The following PCDHGC3 variants were observed in gnomAD, a reference collection of about 807,000 sequenced individuals.
The protein encoded by PCDHGC3 is protocadherin gamma-C3.
A neutral mutation model predicts 59.2 loss-of-function variants in PCDHGC3; 26 were observed. The observed-to-expected ratio is 0.44, with a 90% CI of 0.32 to 0.61. The LOEUF (loss-of-function observed/expected upper bound fraction) is 0.61, where lower values mean the gene tolerates loss of function less well. Ranked by LOEUF, PCDHGC3 falls within the 20% of genes least tolerant of loss-of-function variation. The probability of loss-of-function intolerance (pLI) is 0.05; values close to 1 mark genes in which losing one functional copy is unlikely to be tolerated. For missense variants in PCDHGC3, 1,080 were observed against 1,221.8 expected (o/e 0.88, Z 1.73); for synonymous variants, 487 against 519.7 (o/e 0.94, Z 0.86).
intron 1 of PCDHGC3, among the ~76,000 whole-genome samples, chr5:141,488,118 A>G (rs1054356891): frequency 2.7e-4 from 41 of 152,190 alleles, no homozygotes; most frequent in Non-Finnish European, 2.9e-5. Context: ...AAACATAGAG[A>G]CAGCAGAAAG....
rs1562137828 is a variant in PCDHGC3 at position 141,490,359 on chromosome 5, T to C, written c.2431-4448T>C. On this transcript the variant is annotated intron_variant, in intron 1 of 3. Transcript: ENST00000308177. This position sits in a 1 kb window ranked among gnomAD's most constrained non-coding sequence, Gnocchi z 5.4. ...TGGGCACAGTAGTGGGGTTGTTTAA[T>C]GTGCGAGACCGGGACTCAGGTAGAA... The C allele has an allele frequency of 1.9e-6, 3 of 1,614,212 alleles. No individual in the cohort carries two copies. The highest frequency in any genetic ancestry group is 2.5e-6 in the Non-Finnish European group (3 of 1,180,036).
Position 141,485,598 on chromosome 5 carries a change from T to C in PCDHGC3, c.2430+7052T>C, listed in dbSNP as rs931717579. 25 of 1,612,028 alleles carry C rather than the reference T, an allele frequency of 1.6e-5. No individual in the cohort carries two copies. Among genetic ancestry groups the C allele is most frequent in the African/African-American group, 2.7e-5 (2 of 74,838 alleles). ...CCGCGGCAGCAGCTGGACTTGGAAA[T>C]TGGGGAGGCAGCTCCTCCAGGACAG... On this transcript the variant is annotated intron_variant, in intron 1 of 3. Transcript: ENST00000308177. This position sits in a 1 kb window ranked among gnomAD's most constrained non-coding sequence, Gnocchi z 5.7.
chr5:141,502,062 A>G (rs530211521), intron 2 of PCDHGC3, among the ~76,000 whole-genome samples: 2 of 152,146 alleles, frequency 1.3e-5, no homozygotes, highest in South Asian at 4.2e-4. Flanking sequence ...TATTCCCATT[A>G]GCCCCCTTCA....
Position 141,489,161 on chromosome 5 carries a change from A to T in PCDHGC3, c.2431-5646A>T. ...GCTGGAAGGAGACATAAGAGACTTC[A>T]GCTGCTGCATTCCAAGCCCTGGGTC... On this transcript the variant is annotated intron_variant, in intron 1 of 3. Coordinates refer to ENST00000308177, the MANE Select transcript of PCDHGC3 (RefSeq NM_002588.4). The surrounding 1 kb of genome is among the most constrained non-coding windows in gnomAD (Gnocchi z 4.5). 1.9e-6 allele frequency: 2 copies of T among 1,040,278 alleles called. No individual in the cohort carries two copies. The highest frequency in any genetic ancestry group is 2.8e-6 in the Non-Finnish European group (2 of 709,676). 64.4% of individuals were successfully genotyped at this position (1,040,278 alleles called of 1,614,324 possible).
In PCDHGC3 at chr5:141,491,893, G is replaced by C. The variant is rs2099734820; in HGVS notation, c.2431-2914G>C. The C allele has an allele frequency of 6.9e-7, 1 of 1,438,856 alleles. No individual in the cohort carries two copies. The highest frequency in any genetic ancestry group is 9.2e-7 in the Non-Finnish European group (1 of 1,088,104). 89.1% of individuals were successfully genotyped at this position (1,438,856 alleles called of 1,614,324 possible). A position where few individuals can be genotyped will look rare whatever the true frequency, so the allele number is the denominator to read the frequency against. ...GGCCGATTAAGGGATGGGGCTCCGA[G>C]CACCGGGGGTGGTGGCGACTGTGGG... On this transcript the variant is annotated intron_variant, in intron 1 of 3. Coordinates refer to ENST00000308177, the MANE Select transcript of PCDHGC3 (RefSeq NM_002588.4). The surrounding 1 kb of genome is among the most constrained non-coding windows in gnomAD (Gnocchi z 6.9).
At chr5:141,497,142 C>T (rs1316569011) in intron 2 of PCDHGC3, among the ~76,000 whole-genome samples, 2 of 149,678 alleles carry the variant, frequency 1.3e-5, no homozygotes, top group South Asian at 2.1e-4. Context: ...GCTGAGATCA[C>T]GAAAAAAAAA....
At chr5:141,500,887 T>C (rs557735403) in intron 2 of PCDHGC3, among the ~76,000 whole-genome samples, 1 of 95,622 alleles carries the variant, frequency 1.0e-5, no homozygotes, top group South Asian at 2.8e-4. Context: ...ATTTTTTTTT[T>C]TTGAGACAGT....
In PCDHGC3 at chr5:141,489,576, C is replaced by T; in HGVS notation, c.2431-5231C>T. 1.9e-6 allele frequency: 3 copies of T among 1,614,054 alleles called. No individual in the cohort carries two copies. Among genetic ancestry groups the T allele is most frequent in the Non-Finnish European group, 2.5e-6 (3 of 1,179,976 alleles). Reference sequence around the variant, plus strand: ...TGCCAGTGCAGGTGGTGACTGAACACCCCCTGGAGCTAATCCGTGTAGAGG... The same window carrying T: ...TGCCAGTGCAGGTGGTGACTGAACATCCCCTGGAGCTAATCCGTGTAGAGG... On this transcript the variant is annotated intron_variant, in intron 1 of 3. Coordinates refer to ENST00000308177, the MANE Select transcript of PCDHGC3 (RefSeq NM_002588.4). This position sits in a 1 kb window ranked among gnomAD's most constrained non-coding sequence, Gnocchi z 4.5.
At chr5:141,504,182 C>A (rs2099836345) in intron 2 of PCDHGC3, among the ~76,000 whole-genome samples, 1 of 152,234 alleles carries the variant, frequency 6.6e-6, no homozygotes, top group Non-Finnish European at 1.5e-5. Context: ...TCAAAAAAAT[C>A]ATGAAAATTG....
chr5:141,502,037 C>T (rs2154593041), intron 2 of PCDHGC3, among the ~76,000 whole-genome samples: 1 of 152,302 alleles, frequency 6.6e-6, no homozygotes, highest in East Asian at 1.9e-4. Context: ...CGCCGCTTGC[C>T]TGCTCTCCCT....
chr5:141,478,774 G>T (rs1019315910), intron 1 of PCDHGC3: 1 of 1,496,268 alleles, frequency 6.7e-7, no homozygotes, highest in African/African-American at 1.4e-5. Flanking sequence ...ACTCATCTGT[G>T]GACCTAATTC....
At chr5:141,502,368 G>A (rs2099813930) in intron 2 of PCDHGC3, among the ~76,000 whole-genome samples, 1 of 151,996 alleles carries the variant, frequency 6.6e-6, no homozygotes, top group East Asian at 1.9e-4. Context: ...TATTTTTAAA[G>A]AGTCCAGGCC....
rs1419365808 is a variant in PCDHGC3 at position 141,477,321 on chromosome 5, C to G, written c.1205C>G (p.Ser402Cys). 1.2e-6 allele frequency: 2 copies of G among 1,614,160 alleles called. No homozygotes were observed. Among genetic ancestry groups the G allele is most frequent in the East Asian group, 4.5e-5 (2 of 44,874 alleles). The change falls in exon 1 of 4, where the codon TCC becomes TGC. Residue 402 changes from serine to cysteine, a missense_variant. By Grantham distance (112) the Ser-to-Cys change is moderately radical (BLOSUM62 -1). Coordinates refer to ENST00000308177, the MANE Select transcript of PCDHGC3 (RefSeq NM_002588.4). The surrounding 1 kb of genome is among the most constrained non-coding windows in gnomAD (Gnocchi z 4.9). ...PPGLPFSLTS[S>C]LKNYFTLKTS... Reference sequence around the variant, plus strand: ...GGTCTCCCTTTCAGCCTTACTTCTTCCCTCAAGAATTACTTCACTTTGAAA... The same window carrying G: ...GGTCTCCCTTTCAGCCTTACTTCTTGCCTCAAGAATTACTTCACTTTGAAA...
chr5:141,499,551 A>T (rs1178321389), intron 2 of PCDHGC3, among the ~76,000 whole-genome samples: 1 of 152,200 alleles, frequency 6.6e-6, no homozygotes, highest in Non-Finnish European at 1.5e-5. Flanking sequence ...AACCTGTATG[A>T]TACCACTATC....
intron 3 of PCDHGC3, 137 bp from the exon 4 acceptor site, chr5:141,510,810 A>T: frequency 6.6e-7 from 1 of 1,519,768 alleles, no homozygotes; most frequent in African/African-American, 1.4e-5. Context: ...TACCTTGGTG[A>T]CCCCTATATT....
At chr5:141,483,555 C>CAG (rs1415499107) in intron 1 of PCDHGC3, among the ~76,000 whole-genome samples, 2 of 152,152 alleles carry the variant, frequency 1.3e-5, no homozygotes, top group African/African-American at 4.8e-5. Flanking sequence ...GTGCCATTCA[C>CAG]AGAGACAGTG....
intron 2 of PCDHGC3, among the ~76,000 whole-genome samples, chr5:141,503,340 T>A (rs1394172617): frequency 6.6e-6 from 1 of 152,064 alleles, no homozygotes; most frequent in African/African-American, 2.4e-5. Flanking sequence ...CTCACGCCTG[T>A]AATTCCAGCA....
chr5:141,476,613 G>T lies in PCDHGC3; in HGVS notation c.497G>T (p.Ser166Ile). Residue 166 changes from serine to isoleucine, a missense_variant, in exon 1 of 4, where the codon AGC becomes ATC. Physicochemically the swap from Ser to Ile is moderately radical, Grantham distance 142. Coordinates refer to ENST00000308177, the MANE Select transcript of PCDHGC3 (RefSeq NM_002588.4). The surrounding 1 kb of genome is among the most constrained non-coding windows in gnomAD (Gnocchi z 7.6). ...LESAHDPDVG[S>I]NSLQTYELSR... ...AGCGCGCACGATCCCGATGTGGGAA[G>T]CAACTCTTTACAAACCTATGAGCTG... 2 of 1,614,266 alleles carry T rather than the reference G, an allele frequency of 1.2e-6. No homozygotes were observed. The highest frequency in any genetic ancestry group is 2.7e-5 in the African/African-American group (2 of 75,078).
At chr5:141,494,714 C>G in intron 1 of PCDHGC3, 93 bp from the exon 2 acceptor site, 2 of 1,603,958 alleles carry the variant, frequency 1.2e-6, no homozygotes, top group East Asian at 4.5e-5. Context: ...TGTGCCCACT[C>G]CCCTCCTTCT....
Sources: allele counts gnomAD v4.1 joint callset (sites outside exome capture counted in the v4.1 genomes callset), GRCh38; gene constraint gnomAD v4.1.1; non-coding constraint Gnocchi (gnomAD v3.1); transcripts MANE v1.5; gene names NCBI Gene and HGNC (gene_info 2026-07-23, HGNC 2026-07-21).